STAT5B: variants seen among roughly 807,000 people sequenced by gnomAD.
The protein encoded by STAT5B is transcription factor STAT5B.
A neutral mutation model predicts 107.8 loss-of-function variants in STAT5B; 21 were observed. The ratio of observed to expected loss-of-function variants is 0.19; its 90% CI spans 0.14 to 0.28. The LOEUF (loss-of-function observed/expected upper bound fraction) is 0.28. Among genes scored for constraint, STAT5B ranks in the 10% least tolerant of loss-of-function variants. The pLI is 1.00. For synonymous variants in STAT5B, 325 were observed against 401.7 expected, an observed-to-expected ratio of 0.81 and a Z score of 2.28; for missense variants, 565 against 1,008.2, an observed-to-expected ratio of 0.56 and a Z score of 5.95.
rs761283639 is a variant in STAT5B at position 42,219,714 on chromosome 17, C to T, written c.679G>A (p.Val227Met). Residue 227 changes from valine (V) to methionine (M), a missense_variant and splice_region_variant, in exon 6 of 19, where the codon GTG (valine) becomes ATG (methionine). Val to Met is a conservative substitution (Grantham distance 21). Transcript: ENST00000293328. Reference protein sequence around the residue: ...REAQTLQQYRVELAEKHQKTL... With the variant: ...REAQTLQQYRMELAEKHQKTL... ...GAGAGGCCCAGGACCCCACTCACCA[C>T]GCGGTACTGCTGCAGTGTCTGTGCC... The T allele has an allele frequency of 1.9e-5, 30 of 1,605,164 alleles. 1 individual carries two copies. The highest frequency in any genetic ancestry group is 1.8e-4 in the South Asian group (16 of 90,298).
chr17:42,276,472 C>T (rs2080768017), upstream of STAT5B: 1 of 149,038 alleles, frequency 6.7e-6, no homozygotes, highest in Non-Finnish European at 1.5e-5. This position sits in a 1 kb window ranked among gnomAD's most constrained non-coding sequence, Gnocchi z 4.8. Flanking sequence ...GCTGGCAACC[C>T]GGAGCGCGCC....
chr17:42,212,670 T>C (rs923293789), intron 12 of STAT5B, among the ~76,000 whole-genome samples: 1 of 152,260 alleles, frequency 6.6e-6, no homozygotes, highest in Non-Finnish European at 1.5e-5. Context: ...CAACTTGGTA[T>C]GGAAGAGTGG....
At chr17:42,260,453 G>A (rs746080858) in intron 1 of STAT5B, among the ~76,000 whole-genome samples, 4 of 152,024 alleles carry the variant, frequency 2.6e-5, no homozygotes, top group African/African-American at 9.7e-5. Context: ...CTGTTGCCCA[G>A]GCTGGAATGC....
the STAT5B span, among the ~76,000 whole-genome samples, chr17:42,283,286 G>A: frequency 2.6e-5 from 4 of 152,318 alleles, no homozygotes; most frequent in Admixed American, 2.6e-4. Context: ...CCACTCAGCT[G>A]CCTGGCTCTG....
chr17:42,269,137 G>A (rs1598343174), intron 1 of STAT5B, among the ~76,000 whole-genome samples: 1 of 152,266 alleles, frequency 6.6e-6, no homozygotes, highest in East Asian at 1.9e-4. Context: ...ACAGTAGTGC[G>A]ATCTCGGCTC....
At chr17:42,235,140 C>T (rs972386355) in intron 1 of STAT5B, 2 of 152,212 alleles carry the variant, frequency 1.3e-5, no homozygotes, top group Non-Finnish European at 2.9e-5. Flanking sequence ...CTTCCCAGCC[C>T]ACTCAAATAA....
intron 1 of STAT5B, 84 bp from the exon 2 acceptor site, chr17:42,232,221 C>T (rs1025356664): frequency 2.1e-6 from 3 of 1,406,444 alleles, no homozygotes; most frequent in Non-Finnish European, 1.9e-6. Flanking sequence ...ACTTAGTTAC[C>T]AAGGTAAATG....
intron 3 of STAT5B, 52 bp downstream of exon 3, chr17:42,227,477 A>G: frequency 1.9e-6 from 3 of 1,611,630 alleles, no homozygotes; most frequent in South Asian, 1.1e-5. Context: ...CTCTACAGGA[A>G]GAAGACCCCC....
chr17:42,203,740 C>T (rs1395285038), intron 16 of STAT5B, among the ~76,000 whole-genome samples: 1 of 152,096 alleles, frequency 6.6e-6, no homozygotes, highest in Non-Finnish European at 1.5e-5. Context: ...GATTCTCATG[C>T]TTCAGCCTCC....
At chr17:42,257,854 T>G (rs1248011454) in intron 1 of STAT5B, among the ~76,000 whole-genome samples, 1 of 152,184 alleles carries the variant, frequency 6.6e-6, no homozygotes, top group East Asian at 1.9e-4. Context: ...ACAAAAATAT[T>G]TTGAAACACT....
chr17:42,264,541 C>A (rs2080650228), intron 1 of STAT5B, among the ~76,000 whole-genome samples: 2 of 151,954 alleles, frequency 1.3e-5, no homozygotes, highest in African/African-American at 4.8e-5. Flanking sequence ...ATGAACTCAT[C>A]ATTTTTTATG....
intron 1 of STAT5B, among the ~76,000 whole-genome samples, chr17:42,244,245 G>C (rs970210992): frequency 6.7e-6 from 1 of 149,196 alleles, no homozygotes; most frequent in Non-Finnish European, 1.5e-5. Context: ...GTGCCACCAT[G>C]CCCGGCTAAT....
At chr17:42,236,321 A>G (rs2063355412) in intron 1 of STAT5B, among the ~76,000 whole-genome samples, 2 of 152,226 alleles carry the variant, frequency 1.3e-5, no homozygotes. Flanking sequence ...AAAATTATCT[A>G]TATGTGAAAT....
At chr17:42,251,862 G>A (rs1598329668) in intron 1 of STAT5B, among the ~76,000 whole-genome samples, 1 of 152,068 alleles carries the variant, frequency 6.6e-6, no homozygotes, top group African/African-American at 2.4e-5. Flanking sequence ...AGCTGGGCGT[G>A]GTGATGCGTG....
chr17:42,214,105 T>C (rs2080152049), intron 12 of STAT5B: 1 of 616,430 alleles, frequency 1.6e-6, no homozygotes, highest in Non-Finnish European at 2.0e-6. Flanking sequence ...ATAATGCCAC[T>C]GTACTCCAGC....
chr17:42,253,846 T>C (rs1347347975), intron 1 of STAT5B, among the ~76,000 whole-genome samples: 1 of 152,110 alleles, frequency 6.6e-6, no homozygotes, highest in African/African-American at 2.4e-5. Flanking sequence ...TGGCCTGGTT[T>C]TGGATAATTT....
intron 16 of STAT5B, 170 bp from the exon 17 acceptor site, chr17:42,202,978 T>A (rs2144195615): frequency 2.3e-6 from 2 of 861,856 alleles, no homozygotes; most frequent in South Asian, 3.0e-5. Flanking sequence ...AGTCTCACTC[T>A]CTCATCCAGG....
rs1555547822 is a variant in STAT5B, at chr17:42,207,524, C to CA, written c.2077+33dup. 1.0e-4 allele frequency: 153 copies of CA among 1,471,364 alleles called. 1 individual carries two copies. The African/African-American group carries it at 3.2e-3, about 31-fold the overall frequency. The allele number at this position is 1,471,364 out of a possible 1,614,324, so 91.1% of individuals were successfully genotyped here. A position where few individuals can be genotyped will look rare whatever the true frequency, so the allele number is the denominator to read the frequency against. On this transcript the variant is annotated intron_variant, in intron 16 of 18. Coordinates refer to ENST00000293328, the MANE Select transcript of STAT5B (RefSeq NM_012448.4). ...ACACACACACACACACACACACACA[C>CA]AACAAAATCAAATCAGAATGCGAAC... is the stretch of plus-strand genomic sequence containing the variant.
intron 1 of STAT5B, among the ~76,000 whole-genome samples, chr17:42,247,464 T>C (rs1447238862): frequency 6.6e-6 from 1 of 152,222 alleles, no homozygotes; most frequent in Non-Finnish European, 1.5e-5. Flanking sequence ...AATACAAAAC[T>C]GAAATCTCCT....
Sources: allele counts gnomAD v4.1 joint callset (sites outside exome capture counted in the v4.1 genomes callset), GRCh38; gene constraint gnomAD v4.1.1; non-coding constraint Gnocchi (gnomAD v3.1); transcripts MANE v1.5; gene names NCBI Gene and HGNC (gene_info 2026-07-23, HGNC 2026-07-21).